Variants in SEMA3D observed in about 807,000 individuals in gnomAD.
The protein encoded by SEMA3D is semaphorin-3D.
SEMA3D carries 84 observed loss-of-function variants against 100.1 expected under a neutral mutation model. The ratio of observed to expected loss-of-function variants is 0.84; its 90% CI spans 0.70 to 1.01. SEMA3D has a LOEUF of 1.01. Among genes scored for constraint, SEMA3D ranks in the 50% least tolerant of loss-of-function variants. The probability of loss-of-function intolerance (pLI) is 0.00; values close to 1 mark genes in which losing one functional copy is unlikely to be tolerated. For synonymous variants in SEMA3D, 312 were observed against 320.7 expected (o/e 0.97, Z 0.29); for missense variants, 875 against 934.1 (o/e 0.94, Z 0.82).
At chr7:85,236,110 T>TTATAC in the SEMA3D span, among the ~76,000 whole-genome samples, 1 of 151,956 alleles carries the variant, frequency 6.6e-6, no homozygotes, top group African/African-American at 2.4e-5. Context: ...CATTGACCCC[T>TTATAC]CTAACTGGCT....
intron 3 of SEMA3D, among the ~76,000 whole-genome samples, chr7:85,120,717 AATG>A (rs1789385477): frequency 2.6e-5 from 4 of 152,066 alleles, no homozygotes; most frequent in African/African-American, 9.7e-5. Context: ...GACATCAATA[AATG>A]ATATTTCATA....
In SEMA3D at chr7:85,032,560, A is replaced by G. The variant is rs539920552; in HGVS notation, c.1191+4329T>C. Among the ~76,000 whole-genome samples, 4 of 152,198 alleles carry G rather than the reference A, an allele frequency of 2.6e-5. No homozygotes were observed. The South Asian group carries it at 8.3e-4, about 32-fold the overall frequency. On this transcript the variant is annotated intron_variant, in intron 12 of 18. Coordinates refer to ENST00000284136, the MANE Select transcript of SEMA3D (RefSeq NM_001384900.1). ...CACGGATTTCTAGATAAAGCCTGCAAACATGTTAGTAGAAATGATTGTCAC... is the reference window on the plus strand; with the variant it reads ...CACGGATTTCTAGATAAAGCCTGCAGACATGTTAGTAGAAATGATTGTCAC...
At chr7:85,244,499 A>G in the SEMA3D span, among the ~76,000 whole-genome samples, 3 of 152,286 alleles carry the variant, frequency 2.0e-5, no homozygotes, top group Non-Finnish European at 2.9e-5. Context: ...ACTTATCCTT[A>G]TAAAACATTA....
intron 16 of SEMA3D, among the ~76,000 whole-genome samples, chr7:85,013,305 A>T (rs965892094): frequency 2.0e-5 from 3 of 151,760 alleles, no homozygotes; most frequent in Admixed American, 1.3e-4. Context: ...TCATTATTGC[A>T]TAGATTTAAT....
chr7:85,084,384 C>T (rs918072960), intron 4 of SEMA3D, among the ~76,000 whole-genome samples: 8 of 152,070 alleles, frequency 5.3e-5, no homozygotes, highest in Admixed American at 2.6e-4. Context: ...AGAACTTTTT[C>T]ATCTTGCAAA....
At chr7:85,016,836 A>G (rs1459706485) in intron 15 of SEMA3D, among the ~76,000 whole-genome samples, 2 of 138,808 alleles carry the variant, frequency 1.4e-5, no homozygotes, top group Non-Finnish European at 3.0e-5. Context: ...CCCAGACTGG[A>G]CTTGAGCTCC....
At chr7:85,165,430 T>C (rs1049284495) in intron 1 of SEMA3D, among the ~76,000 whole-genome samples, 2 of 152,022 alleles carry the variant, frequency 1.3e-5, no homozygotes, top group Non-Finnish European at 1.5e-5. Flanking sequence ...GATGTAATAG[T>C]TTCATGTGAC....
intron 3 of SEMA3D, 36 bp downstream of exon 3, chr7:85,121,705 C>A: frequency 8.5e-7 from 1 of 1,180,586 alleles, no homozygotes; most frequent in African/African-American, 1.6e-5. Flanking sequence ...ATTTCAAAAT[C>A]TTAATAAACA....
At chr7:85,164,273 C>A (rs1790831734) in intron 1 of SEMA3D, among the ~76,000 whole-genome samples, 1 of 152,080 alleles carries the variant, frequency 6.6e-6, no homozygotes, top group Non-Finnish European at 1.5e-5. Context: ...TACCACCTAT[C>A]ACGGATTTAA....
intron 9 of SEMA3D, among the ~76,000 whole-genome samples, chr7:85,048,559 G>A (rs537888295): frequency 1.3e-5 from 2 of 151,902 alleles, no homozygotes; most frequent in East Asian, 3.9e-4. Flanking sequence ...GATACATTAA[G>A]TGAACTAATG....
At chr7:85,218,897 T>G in the SEMA3D span, among the ~76,000 whole-genome samples, 1 of 152,258 alleles carries the variant, frequency 6.6e-6, no homozygotes, top group East Asian at 1.9e-4. Flanking sequence ...CAATAAGCCC[T>G]CAGTTAGCTA....
chr7:85,222,431 G>A, the SEMA3D span, among the ~76,000 whole-genome samples: 56 of 152,144 alleles, frequency 3.7e-4, 1 homozygote, highest in Middle Eastern at 6.8e-3. Flanking sequence ...GTGTATGTAC[G>A]TAAATATATG....
chr7:85,197,104 A>T, the SEMA3D span, among the ~76,000 whole-genome samples: 5 of 152,136 alleles, frequency 3.3e-5, no homozygotes, highest in African/African-American at 1.2e-4. Context: ...AACATGTTTT[A>T]TCCAAAAACA....
At chr7:85,247,547 A>G in the SEMA3D span, among the ~76,000 whole-genome samples, 5 of 152,270 alleles carry the variant, frequency 3.3e-5, no homozygotes, top group South Asian at 1.0e-3. Flanking sequence ...CCTACAAATG[A>G]TTTCAAGTTT....
the SEMA3D span, among the ~76,000 whole-genome samples, chr7:85,235,899 A>G: frequency 1.3e-5 from 2 of 152,208 alleles, no homozygotes; most frequent in Admixed American, 6.5e-5. Context: ...TTTTATTTAC[A>G]GAAACATCCT....
the SEMA3D span, among the ~76,000 whole-genome samples, chr7:85,202,496 G>A: frequency 6.6e-4 from 100 of 151,914 alleles, no homozygotes; most frequent in African/African-American, 2.2e-3. Flanking sequence ...CTTTGCTATC[G>A]TGAATAAACT....
the SEMA3D span, among the ~76,000 whole-genome samples, chr7:85,211,005 C>G: frequency 6.6e-6 from 1 of 151,954 alleles, no homozygotes; most frequent in Non-Finnish European, 1.5e-5. Context: ...AATCATCTTT[C>G]ACTTTATGAT....
At chr7:85,122,596 G>A (rs1583945201) in intron 2 of SEMA3D, among the ~76,000 whole-genome samples, 1 of 152,104 alleles carries the variant, frequency 6.6e-6, no homozygotes, top group African/African-American at 2.4e-5. Context: ...ATCCCCAAAT[G>A]AAAAGATCCA....
At chr7:85,241,985 C>A in the SEMA3D span, among the ~76,000 whole-genome samples, 1 of 151,806 alleles carries the variant, frequency 6.6e-6, no homozygotes, top group African/African-American at 2.4e-5. Flanking sequence ...ATTCATACAA[C>A]CACTATGGAG....
Sources: allele counts gnomAD v4.1 joint callset (sites outside exome capture counted in the v4.1 genomes callset), GRCh38; gene constraint gnomAD v4.1.1; transcripts MANE v1.5; gene names NCBI Gene and HGNC (gene_info 2026-07-23, HGNC 2026-07-21).